ABHD17B: variants seen among roughly 807,000 people sequenced by gnomAD.
ABHD17B encodes alpha/beta hydrolase domain-containing protein 17B.
In ABHD17B, 9 loss-of-function variants were observed where a neutral mutation model predicts 26.2. The observed-to-expected ratio is 0.34, with a 90% CI of 0.21 to 0.60. The LOEUF is 0.60. Among genes scored for constraint, ABHD17B ranks in the 20% least tolerant of loss-of-function variants. The pLI is 0.80. For missense variants in ABHD17B, 224 were observed against 352.1 expected, an observed-to-expected ratio of 0.64 and a Z score of 2.91; for synonymous variants, 127 against 122.3, an observed-to-expected ratio of 1.04 and a Z score of -0.25.
intron 3 of ABHD17B, 138 bp from the exon 4 acceptor site, chr9:71,867,144 T>C: frequency 1.8e-6 from 2 of 1,093,842 alleles, no homozygotes; most frequent in South Asian, 1.6e-5. Context: ...CTCCTGAATT[T>C]CCAGTAAGAT....
chr9:71,868,371 C>T (rs1826017613), intron 3 of ABHD17B, among the ~76,000 whole-genome samples: 1 of 152,080 alleles, frequency 6.6e-6, no homozygotes, highest in Non-Finnish European at 1.5e-5. Flanking sequence ...AAGCAGGCAA[C>T]CAAGAATTAT....
Position 71,865,358 on chromosome 9 carries a change from T to C in ABHD17B, c.*1429A>G, listed in dbSNP as rs1589205435. ...TCATTCATTTACAAATTAGACTACA[T>C]ACCATTAATTTTATTTTTATTTTTC... On this transcript the variant is annotated 3_prime_UTR_variant, in exon 4 of 4. Coordinates refer to ENST00000333421, the MANE Select transcript of ABHD17B (RefSeq NM_001025780.3). The C allele has an allele frequency of 6.1e-6, 6 of 982,274 alleles. No individual in the cohort carries two copies. Among genetic ancestry groups the C allele is most frequent in the Non-Finnish European group, 6.0e-6 (5 of 826,698 alleles). 60.8% of individuals were successfully genotyped at this position (982,274 alleles called of 1,614,324 possible). A position where few individuals can be genotyped will look rare whatever the true frequency, so the allele number is the denominator to read the frequency against.
chr9:71,899,335 CTTTA>C (rs1285334415), intron 1 of ABHD17B, among the ~76,000 whole-genome samples: 1 of 152,098 alleles, frequency 6.6e-6, no homozygotes, highest in Non-Finnish European at 1.5e-5. Context: ...GAGGCAAATC[CTTTA>C]TTTGAGATGA....
intron 3 of ABHD17B, 71 bp from the exon 4 acceptor site, chr9:71,867,077 T>A: frequency 6.7e-7 from 1 of 1,499,330 alleles, no homozygotes; most frequent in Non-Finnish European, 9.1e-7. Flanking sequence ...TTGTGCTATA[T>A]CAGACAGATA....
intron 1 of ABHD17B, among the ~76,000 whole-genome samples, chr9:71,903,398 T>C (rs779810662): frequency 6.6e-6 from 1 of 152,200 alleles, no homozygotes; most frequent in Non-Finnish European, 1.5e-5. Context: ...AGAGAGTCCA[T>C]GTTAACACTA....
At chr9:71,892,003 C>G (rs1826797334) in intron 1 of ABHD17B, among the ~76,000 whole-genome samples, 1 of 152,140 alleles carries the variant, frequency 6.6e-6, no homozygotes, top group South Asian at 2.1e-4. Flanking sequence ...GCTTTCAGTT[C>G]TAGTTTTACT....
chr9:71,875,138 A>T, intron 1 of ABHD17B, 55 bp from the exon 2 acceptor site: 1 of 1,386,450 alleles, frequency 7.2e-7, no homozygotes, highest in Non-Finnish European at 9.9e-7. Flanking sequence ...AGACTCATAC[A>T]ATAAAAAGTT....
chr9:71,889,295 C>T (rs1294164033), intron 1 of ABHD17B, among the ~76,000 whole-genome samples: 1 of 146,494 alleles, frequency 6.8e-6, no homozygotes, highest in Non-Finnish European at 1.5e-5. Flanking sequence ...CCAGCCTGGA[C>T]GACAGTGCGA....
downstream of ABHD17B, chr9:71,862,478 A>G: frequency 3.0e-6 from 4 of 1,318,252 alleles, no homozygotes; most frequent in Non-Finnish European, 4.0e-6. Flanking sequence ...TTTATGTCAT[A>G]TAATTTGAAA....
chr9:71,863,105 GA>G (rs1168270062), downstream of ABHD17B, among the ~76,000 whole-genome samples: 4 of 152,124 alleles, frequency 2.6e-5, no homozygotes, highest in Non-Finnish European at 4.4e-5. Context: ...ACTAGTTCAT[GA>G]AAGTTCTTCT....
intron 2 of ABHD17B, among the ~76,000 whole-genome samples, chr9:71,873,618 G>A (rs552239982): frequency 1.7e-3 from 263 of 152,124 alleles, no homozygotes; most frequent in Non-Finnish European, 2.8e-3. Context: ...GGCTGGTCTC[G>A]AATACCTGAC....
chr9:71,867,118 C>T, intron 3 of ABHD17B, 112 bp from the exon 4 acceptor site: 1 of 1,345,098 alleles, frequency 7.4e-7, no homozygotes, highest in Non-Finnish European at 1.0e-6. Context: ...TGAATCAGTT[C>T]AGAAGGTAAG....
At chr9:71,879,183 C>G (rs1408557948) in intron 1 of ABHD17B, among the ~76,000 whole-genome samples, 1 of 151,852 alleles carries the variant, frequency 6.6e-6, no homozygotes, top group Non-Finnish European at 1.5e-5. Flanking sequence ...AAACAAAAAC[C>G]CCCCAAATCC....
chr9:71,894,087 C>CAAAAAAAAAAAAAAAAAAAAA (rs1180729763), intron 1 of ABHD17B, among the ~76,000 whole-genome samples: 5 of 52,306 alleles, frequency 9.6e-5, no homozygotes, highest in African/African-American at 4.3e-4. Flanking sequence ...GACTCTATCT[C>CAAAAAAAAAAAAAAAAAAAAA]AAAAAAAAAA....
At chr9:71,884,947 T>A (rs1384736817) in intron 1 of ABHD17B, among the ~76,000 whole-genome samples, 1 of 152,154 alleles carries the variant, frequency 6.6e-6, no homozygotes, top group Non-Finnish European at 1.5e-5. Flanking sequence ...TACTATTACT[T>A]AGGTTTTTCA....
intron 1 of ABHD17B, among the ~76,000 whole-genome samples, chr9:71,894,284 A>G (rs536143063): frequency 2.2e-4 from 34 of 152,244 alleles, no homozygotes; most frequent in African/African-American, 7.0e-4. Context: ...CAAAATAGAT[A>G]CTATAACCAA....
At chr9:71,873,610 C>A (rs1178438342) in intron 2 of ABHD17B, among the ~76,000 whole-genome samples, 1 of 152,114 alleles carries the variant, frequency 6.6e-6, no homozygotes, top group African/African-American at 2.4e-5. Context: ...CTTGGCCAGG[C>A]TGGTCTCGAA....
At chr9:71,873,902 A>T (rs1456205139) in intron 2 of ABHD17B, among the ~76,000 whole-genome samples, 1 of 152,198 alleles carries the variant, frequency 6.6e-6, no homozygotes, top group African/African-American at 2.4e-5. Context: ...GTAAAATCTC[A>T]GTTTTACAGA....
intron 1 of ABHD17B, among the ~76,000 whole-genome samples, chr9:71,904,758 T>A (rs1827235992): frequency 6.6e-6 from 1 of 152,088 alleles, no homozygotes; most frequent in Non-Finnish European, 1.5e-5. Context: ...AGAGAAAAGT[T>A]GGAATGAAAG....
Sources: gnomAD v4.1 joint callset for allele counts (sites outside exome capture counted in the v4.1 genomes callset) on GRCh38, gnomAD v4.1.1 for gene constraint, MANE v1.5 for transcripts, NCBI Gene and HGNC (gene_info 2026-07-23, HGNC 2026-07-21) for gene names.